Variants in SHROOM2 observed in about 807,000 individuals in gnomAD.
The protein encoded by SHROOM2 is protein Shroom2.
In SHROOM2, 33 loss-of-function variants were observed where a neutral mutation model predicts 75.9. The ratio of observed to expected loss-of-function variants is 0.43; its 90% CI spans 0.33 to 0.58. SHROOM2 has a LOEUF of 0.58. Ranked by LOEUF, SHROOM2 falls within the 20% of genes least tolerant of loss-of-function variation. SHROOM2 has a pLI of 0.04. For synonymous variants in SHROOM2, 655 were observed against 663.6 expected (o/e 0.99, Z 0.20); for missense variants, 1,434 against 1,461.2 (o/e 0.98, Z 0.30).
At chrX:9,815,846 A>C (rs1312095631) in intron 1 of SHROOM2, among the ~76,000 whole-genome samples, 1 of 111,233 alleles carries the variant, frequency 9.0e-6, no homozygotes, top group African/African-American at 3.3e-5. Flanking sequence ...GATTGTGCCC[A>C]CCAGATTAAG....
chrX:9,836,257 C>A (rs1348787634), intron 1 of SHROOM2, among the ~76,000 whole-genome samples: 1 of 112,210 alleles, frequency 8.9e-6, no homozygotes, highest in African/African-American at 3.2e-5. Context: ...GGACCATGCT[C>A]AGCCTCAGTT....
At chrX:9,881,030 G>A (rs2084228780) in intron 2 of SHROOM2, among the ~76,000 whole-genome samples, 2 of 111,673 alleles carry the variant, frequency 1.8e-5, no homozygotes, top group Admixed American at 1.9e-4. Flanking sequence ...CATGTTTAAG[G>A]AGAGTGCTCA....
chrX:9,941,710 G>A (rs1050793460), intron 8 of SHROOM2, among the ~76,000 whole-genome samples: 4 of 110,549 alleles, frequency 3.6e-5, no homozygotes, highest in Non-Finnish European at 5.7e-5. Context: ...GGTGGCTCAC[G>A]CTTGTAATCC....
intron 1 of SHROOM2, among the ~76,000 whole-genome samples, chrX:9,866,480 C>T (rs1411883681): frequency 3.6e-5 from 4 of 110,229 alleles, no homozygotes; most frequent in African/African-American, 1.3e-4. Flanking sequence ...TGTGATTTTC[C>T]AAATCCCTCA....
At position 9,786,608 on chromosome X, in the gene SHROOM2, G is replaced by C. The variant is rs1000008641; in HGVS notation, c.63G>C (p.Ala21=). Residue 21 remains alanine (A), a synonymous_variant, in exon 1 of 10, where the codon GCG becomes GCC. Transcript: ENST00000380913. Reference sequence around the variant, plus strand: ...TGGCCGAGGCCGAGACGCGGGCGGCGGACGGCGGGCGCCTGGTGGAGGTGC... The same window carrying C: ...TGGCCGAGGCCGAGACGCGGGCGGCCGACGGCGGGCGCCTGGTGGAGGTGC... ...ERLAEAETRA[A]DGGRLVEVQL... 18 of 876,585 alleles carry C rather than the reference G, an allele frequency of 2.1e-5. No homozygotes were observed. The highest frequency in any genetic ancestry group is 1.1e-4 in the East Asian group (2 of 17,834). 72.2% of individuals were successfully genotyped at this position (876,585 alleles called of 1,213,427 possible).
At chrX:9,794,723 C>T (rs759499322) in intron 1 of SHROOM2, among the ~76,000 whole-genome samples, 1 of 111,889 alleles carries the variant, frequency 8.9e-6, no homozygotes, top group African/African-American at 3.2e-5. Context: ...TTTTACTGCC[C>T]GTGACTCTGG....
chrX:9,872,906 A>G (rs1202783392), intron 1 of SHROOM2, among the ~76,000 whole-genome samples: 5 of 112,468 alleles, frequency 4.4e-5, no homozygotes, highest in Non-Finnish European at 9.4e-5. Context: ...TGATGAATAG[A>G]TAAAATGCGG....
At chrX:9,819,083 A>G in intron 1 of SHROOM2, 1 of 1,202,074 alleles carries the variant, frequency 8.3e-7, no homozygotes, top group South Asian at 1.8e-5. Context: ...GGTTTTTGAG[A>G]ATGAATGTGC....
intron 1 of SHROOM2, 83 bp downstream of exon 1, chrX:9,786,793 G>A (rs1364142580): frequency 6.8e-6 from 5 of 731,898 alleles, no homozygotes; most frequent in African/African-American, 4.6e-5. Context: ...CGCGGGAGGG[G>A]CGGTAGGCTC....
At chrX:9,838,352 A>G (rs982471360) in intron 1 of SHROOM2, among the ~76,000 whole-genome samples, 1 of 109,987 alleles carries the variant, frequency 9.1e-6, no homozygotes, top group African/African-American at 3.3e-5. Context: ...GAGCCACCGC[A>G]CCCGGCCTTA....
intron 1 of SHROOM2, among the ~76,000 whole-genome samples, chrX:9,815,220 G>T (rs972766473): frequency 1.8e-5 from 2 of 111,238 alleles, no homozygotes; most frequent in African/African-American, 6.5e-5. Context: ...TCTCTAAATG[G>T]TTTATGCCAA....
rs767159961 is a variant in SHROOM2, at chrX:9,909,149, C to T, written c.2891+10859C>T. 9.7e-4 allele frequency among the ~76,000 whole-genome samples: 107 copies of T among 109,796 alleles called. 1 individual carries two copies. The highest frequency in any genetic ancestry group is 9.2e-3 in the Middle Eastern group (2 of 218). ...GTATCTTATAGTGCCAGAAAATAAG[C>T]GCTCAAATACACCCATATGTAAACC... On this transcript the variant is annotated intron_variant, in intron 5 of 9. Coordinates refer to ENST00000380913, the MANE Select transcript of SHROOM2 (RefSeq NM_001649.4).
chrX:9,896,446 C>T lies in SHROOM2; in HGVS notation c.2538C>T (p.Thr846=), dbSNP rs137979992. The T allele has an allele frequency of 1.6e-5, 19 of 1,210,805 alleles. No homozygotes were observed. In the African/African-American group the frequency reaches 2.6e-4, roughly 17 times the overall value. ...GCACGGAGCCCTGGTCGCGCACCAC[C>T]TCCCTTGGGGACAGCCTCAACGCTC... ...CEGTEPWSRT[T]SLGDSLNAHS... is the part of the protein sequence containing the mutation. The change falls in exon 4 of 10, where the codon ACC becomes ACT. Residue 846 remains threonine (T), a synonymous_variant. Coordinates refer to ENST00000380913, the MANE Select transcript of SHROOM2 (RefSeq NM_001649.4).
chrX:9,899,715 C>G (rs1241522682), intron 5 of SHROOM2, among the ~76,000 whole-genome samples: 1 of 112,084 alleles, frequency 8.9e-6, no homozygotes, highest in Non-Finnish European at 1.9e-5. Flanking sequence ...TCAGAAAGGC[C>G]GACGAATAAT....
intron 1 of SHROOM2, among the ~76,000 whole-genome samples, chrX:9,859,625 G>T (rs1173072638): frequency 9.0e-6 from 1 of 111,504 alleles, no homozygotes; most frequent in African/African-American, 3.3e-5. Context: ...CAGCGATGGG[G>T]GTGCATGGTG....
chrX:9,831,660 A>AAAAC (rs778002547), intron 1 of SHROOM2, among the ~76,000 whole-genome samples: 19 of 111,955 alleles, frequency 1.7e-4, no homozygotes, highest in African/African-American at 4.9e-4. Context: ...CTCCATCTCA[A>AAAAC]AAACAAACAA....
chrX:9,819,094 A>G lies in SHROOM2; in HGVS notation c.165+32384A>G, dbSNP rs2083838190. ...GGTGGGTTTTTGAGAATGAATGTGC[A>G]GAGTTTATGATGTGTGTCAAGCATG... On this transcript the variant is annotated intron_variant, in intron 1 of 9. Transcript: ENST00000380913. 2.5e-6 allele frequency: 3 copies of G among 1,202,055 alleles called. No homozygotes were observed. In the South Asian group the frequency reaches 5.3e-5, roughly 21 times the overall value.
At chrX:9,894,307 A>G in intron 3 of SHROOM2, 51 bp from the exon 4 acceptor site, 3 of 1,141,012 alleles carry the variant, frequency 2.6e-6, no homozygotes, top group Non-Finnish European at 3.5e-6. Context: ...GCCCTTTGCC[A>G]TTGCTGTTGC....
At chrX:9,887,046 C>T (rs2084264804) in intron 2 of SHROOM2, among the ~76,000 whole-genome samples, 1 of 112,523 alleles carries the variant, frequency 8.9e-6, no homozygotes, top group Non-Finnish European at 1.9e-5. Flanking sequence ...TTAGCCTTCT[C>T]AGCTGCTAGA....
Sources: gnomAD v4.1 joint callset for allele counts (sites outside exome capture counted in the v4.1 genomes callset) on GRCh38, gnomAD v4.1.1 for gene constraint, MANE v1.5 for transcripts, NCBI Gene and HGNC (gene_info 2026-07-23, HGNC 2026-07-21) for gene names.